The following PPHLN1 variants were observed in gnomAD, a reference collection of about 807,000 sequenced individuals.
The protein encoded by PPHLN1 is periphilin 1.
Under a neutral mutation model 51.3 loss-of-function variants are expected in PPHLN1, and 29 were observed. The observed-to-expected ratio is 0.57, with a 90% CI of 0.42 to 0.77. PPHLN1 has a LOEUF of 0.77. PPHLN1 is among the 30% of genes least tolerant of loss of function. The probability of loss-of-function intolerance (pLI) is 0.00; values close to 1 mark genes in which losing one functional copy is unlikely to be tolerated. For synonymous variants in PPHLN1, 147 were observed against 147.8 expected (o/e 0.99, Z 0.04); for missense variants, 436 against 438.4 (o/e 0.99, Z 0.05).
At chr12:42,363,913 A>G (rs1324239903) in intron 4 of PPHLN1, among the ~76,000 whole-genome samples, 1 of 152,108 alleles carries the variant, frequency 6.6e-6, no homozygotes, top group Middle Eastern at 3.2e-3. Flanking sequence ...TTCCCCCTGT[A>G]GTTATGAGAT....
chr12:42,383,624 A>G (rs1459753097), intron 5 of PPHLN1, among the ~76,000 whole-genome samples: 1 of 152,192 alleles, frequency 6.6e-6, no homozygotes, highest in South Asian at 2.1e-4. Flanking sequence ...AAGAATCAAG[A>G]ATAAAGTTAG....
At chr12:42,395,267 G>C (rs995333443) in intron 8 of PPHLN1, among the ~76,000 whole-genome samples, 5 of 152,048 alleles carry the variant, frequency 3.3e-5, no homozygotes, top group African/African-American at 1.2e-4. Flanking sequence ...TCATAGGTCA[G>C]ACGTGTTCTT....
intron 9 of PPHLN1, among the ~76,000 whole-genome samples, chr12:42,412,335 C>T (rs1035482528): frequency 3.3e-5 from 5 of 152,098 alleles, no homozygotes; most frequent in Admixed American, 6.6e-5. Flanking sequence ...CTTGTGAGAA[C>T]ATATGGTATT....
At chr12:42,445,370 C>A (rs2083255163), downstream of PPHLN1, 7 of 488,486 alleles carry the variant, frequency 1.4e-5, no homozygotes, top group Non-Finnish European at 2.2e-5. Flanking sequence ...CAGGCACGTC[C>A]CCTCCTTCAA....
At position 42,363,650 on chromosome 12, in the gene PPHLN1, G is replaced by C. The variant is rs146637745; in HGVS notation, c.299+8428G>C. On this transcript the variant is annotated intron_variant, in intron 4 of 9. Transcript: ENST00000358314. ...TTTTCCCTGATGCCCACTCCCCACTGCCCTGCCCCGCTCTGAAAGTGATCA... is the reference window on the plus strand; with the variant it reads ...TTTTCCCTGATGCCCACTCCCCACTCCCCTGCCCCGCTCTGAAAGTGATCA... 1.8e-3 allele frequency among the ~76,000 whole-genome samples: 274 copies of C among 151,818 alleles called. 3 individuals carry two copies. Among genetic ancestry groups the C allele is most frequent in the East Asian group, 2.7e-3 (14 of 5,180 alleles).
intron 1 of PPHLN1, among the ~76,000 whole-genome samples, chr12:42,332,202 T>G (rs941392608): frequency 2.0e-5 from 3 of 152,084 alleles, no homozygotes; most frequent in Non-Finnish European, 4.4e-5. Context: ...AGACCTTGTC[T>G]AAGGAAAAGA....
At chr12:42,378,580 T>C (rs1268346064) in intron 5 of PPHLN1, among the ~76,000 whole-genome samples, 1 of 148,968 alleles carries the variant, frequency 6.7e-6, no homozygotes, top group African/African-American at 2.5e-5. Flanking sequence ...GTTAAAATAA[T>C]TATGCCCTCA....
chr12:42,375,290 C>G, intron 5 of PPHLN1: 1 of 290,834 alleles, frequency 3.4e-6, no homozygotes, highest in Non-Finnish European at 6.4e-6. Context: ...TGACACTTAC[C>G]TTTAATTTCT....
At chr12:42,388,903 C>T (rs910530074) in intron 7 of PPHLN1, among the ~76,000 whole-genome samples, 3 of 152,226 alleles carry the variant, frequency 2.0e-5, no homozygotes, top group African/African-American at 7.2e-5. Context: ...GATTGCACCA[C>T]TGCACTCTAG....
chr12:42,433,379 GT>G, intron 9 of PPHLN1: 1 of 435,310 alleles, frequency 2.3e-6, no homozygotes, highest in South Asian at 2.0e-5. Flanking sequence ...GGAGAATGCA[GT>G]GGTGCGTTCT....
At chr12:42,354,011 A>G (rs925842915) in intron 3 of PPHLN1, among the ~76,000 whole-genome samples, 3 of 152,176 alleles carry the variant, frequency 2.0e-5, no homozygotes, top group Admixed American at 2.0e-4. Context: ...GAGTTCAGTT[A>G]TGTAATGCAG....
At chr12:42,434,852 G>A (rs1391366271) in intron 9 of PPHLN1, among the ~76,000 whole-genome samples, 2 of 152,020 alleles carry the variant, frequency 1.3e-5, no homozygotes, top group African/African-American at 4.8e-5. Flanking sequence ...TGCCACCATG[G>A]CTGGCTAATT....
chr12:42,359,979 A>G (rs1369875090), intron 4 of PPHLN1, among the ~76,000 whole-genome samples: 2 of 151,896 alleles, frequency 1.3e-5, no homozygotes, highest in Non-Finnish European at 2.9e-5. Context: ...ATGGTGGCAA[A>G]CACCTGTAGT....
intron 9 of PPHLN1, among the ~76,000 whole-genome samples, chr12:42,401,258 A>G (rs11181480): frequency 0.2 from 30,200 of 152,118 alleles, 3,378 homozygotes; most frequent in African/African-American, 0.3. Context: ...AAAACTTGCC[A>G]TCTGTAGAAG....
At chr12:42,354,374 G>A (rs1012614898) in intron 3 of PPHLN1, among the ~76,000 whole-genome samples, 4 of 151,890 alleles carry the variant, frequency 2.6e-5, no homozygotes, top group African/African-American at 9.7e-5. Flanking sequence ...GCACGCCACC[G>A]TGCCCGGCTA....
downstream of PPHLN1, chr12:42,445,030 CTGTT>C (rs1240176731): frequency 4.3e-6 from 3 of 702,270 alleles, no homozygotes; most frequent in African/African-American, 1.7e-5. Flanking sequence ...TCTGCTTACT[CTGTT>C]TATTTATTGC....
At chr12:42,446,051 G>T, downstream of PPHLN1, 1 of 1,471,740 alleles carries the variant, frequency 6.8e-7, no homozygotes, top group Non-Finnish European at 9.3e-7. Flanking sequence ...AGAAATGAAG[G>T]AAACGACCCT....
chr12:42,381,253 G>A (rs1225119470), intron 5 of PPHLN1, among the ~76,000 whole-genome samples: 2 of 152,170 alleles, frequency 1.3e-5, no homozygotes, highest in East Asian at 3.8e-4. Flanking sequence ...TAAATCCTAG[G>A]ATTATAGCTA....
At chr12:42,377,730 G>C (rs946181895) in intron 5 of PPHLN1, among the ~76,000 whole-genome samples, 1 of 152,184 alleles carries the variant, frequency 6.6e-6, no homozygotes, top group Non-Finnish European at 1.5e-5. Flanking sequence ...AGTAAAAGAA[G>C]CTTGAGGTTC....
Sources: gnomAD v4.1 joint callset for allele counts (sites outside exome capture counted in the v4.1 genomes callset) on GRCh38, gnomAD v4.1.1 for gene constraint, MANE v1.5 for transcripts, NCBI Gene and HGNC (gene_info 2026-07-23, HGNC 2026-07-21) for gene names.